Variants in OTUB2 observed in about 807,000 individuals in gnomAD.
The protein encoded by OTUB2 is OTU deubiquitinase, ubiquitin aldehyde binding 2.
In OTUB2, 21 loss-of-function variants were observed where a neutral mutation model predicts 25.1. The observed-to-expected ratio is 0.84, with a 90% CI of 0.59 to 1.21. The LOEUF (loss-of-function observed/expected upper bound fraction) is 1.21, where lower values mean the gene tolerates loss of function less well. Ranked by LOEUF, OTUB2 falls within the 50% of genes most tolerant of loss-of-function variation. The pLI is 0.00. For synonymous variants in OTUB2, 122 were observed against 122.8 expected, an observed-to-expected ratio of 0.99 and a Z score of 0.04; for missense variants, 283 against 298.0, an observed-to-expected ratio of 0.95 and a Z score of 0.37.
intron 3 of OTUB2, among the ~76,000 whole-genome samples, chr14:94,042,942 C>T (rs1184012542): frequency 1.3e-5 from 2 of 152,196 alleles, no homozygotes; most frequent in Admixed American, 1.3e-4. Flanking sequence ...AGCACAGGCT[C>T]CATCCCTCCA....
At chr14:94,028,197 A>G (rs1884899099) in intron 1 of OTUB2, among the ~76,000 whole-genome samples, 1 of 152,208 alleles carries the variant, frequency 6.6e-6, no homozygotes, top group South Asian at 2.1e-4. Flanking sequence ...CCACTAAAAT[A>G]TGACGTCTGT....
chr14:94,041,368 A>G (rs1885158235), intron 3 of OTUB2, among the ~76,000 whole-genome samples: 1 of 152,030 alleles, frequency 6.6e-6, no homozygotes, highest in Non-Finnish European at 1.5e-5. Context: ...GCTGGCGTTC[A>G]GCAGGCAGGC....
At chr14:94,037,558 C>A in intron 2 of OTUB2, 83 bp downstream of exon 2, 5 of 900,780 alleles carry the variant, frequency 5.6e-6, no homozygotes, top group East Asian at 3.0e-5. Context: ...CTTTGAAGGC[C>A]GATAGTTTGG....
chr14:94,037,286 G>T (rs1885072950), intron 1 of OTUB2, 94 bp from the exon 2 acceptor site: 2 of 775,888 alleles, frequency 2.6e-6, no homozygotes, highest in East Asian at 2.7e-5. Flanking sequence ...ATTCATTGTT[G>T]TCTGTAACCG....
rs113124764 is a variant in OTUB2 at position 94,042,141 on chromosome 14, G to C, written c.219-1830G>C. On this transcript the variant is annotated intron_variant, in intron 3 of 5. Coordinates refer to ENST00000203664, the MANE Select transcript of OTUB2 (RefSeq NM_023112.4). ...TGCTCTAGAAGTATGCGAAGTACTT[G>C]TGTGTGCCAGAGGCTTGGAGAACAC... 7.8e-3 allele frequency among the ~76,000 whole-genome samples: 1,186 copies of C among 152,346 alleles called. 12 individuals are homozygous for C. Among genetic ancestry groups the C allele is most frequent in the African/African-American group, 0.027 (1,130 of 41,568 alleles).
intron 1 of OTUB2, among the ~76,000 whole-genome samples, chr14:94,032,549 G>GAA (rs60116716): frequency 1.5e-4 from 23 of 151,716 alleles, no homozygotes; most frequent in African/African-American, 5.3e-4. Context: ...GTACACGGAA[G>GAA]AAAAAAAATG....
chr14:94,037,390 C>T lies in OTUB2; in HGVS notation c.14C>T (p.Ser5Phe), dbSNP rs773789398. 6.3e-7 allele frequency: 1 copy of T among 1,587,926 alleles called. No homozygotes were observed. The highest frequency in any genetic ancestry group is 1.1e-5 in the South Asian group (1 of 90,222). The change falls in exon 2 of 6, where the codon TCT becomes TTT. Residue 5 changes from serine (S) to phenylalanine (F), a missense_variant. Transcript: ENST00000203664. Reference protein sequence around the residue: MSETSFNLISEKCDI... With the variant: MSETFFNLISEKCDI... Reference sequence around the variant, plus strand: ...TTCCCTATCTTTCAGAGTGAAACATCTTTCAACCTAATATCAGAAAAATGT... The same window carrying T: ...TTCCCTATCTTTCAGAGTGAAACATTTTTCAACCTAATATCAGAAAAATGT...
chr14:94,026,442 C>G lies in OTUB2; in HGVS notation c.-96C>G, dbSNP rs1016863591. 12 of 1,309,424 alleles carry G rather than the reference C, an allele frequency of 9.2e-6. No homozygotes were observed. Among genetic ancestry groups the G allele is most frequent in the Non-Finnish European group, 1.2e-5 (12 of 1,028,510 alleles). The allele number at this position is 1,309,424 out of a possible 1,614,324, so 81.1% of individuals were successfully genotyped here. A position where few individuals can be genotyped will look rare whatever the true frequency, so the allele number is the denominator to read the frequency against. Reference sequence around the variant, plus strand: ...CCCACGCCCTCGAGGTCCCCGCCACCGAACCAGCGGCGGAGCCCGCCCGCG... The same window carrying G: ...CCCACGCCCTCGAGGTCCCCGCCACGGAACCAGCGGCGGAGCCCGCCCGCG... On this transcript the variant is annotated 5_prime_UTR_variant, in exon 1 of 6. Coordinates refer to ENST00000203664, the MANE Select transcript of OTUB2 (RefSeq NM_023112.4).
chr14:94,034,568 G>C (rs747012968), intron 1 of OTUB2, among the ~76,000 whole-genome samples: 2 of 152,208 alleles, frequency 1.3e-5, no homozygotes, highest in South Asian at 4.1e-4. Flanking sequence ...CCCATCTCAG[G>C]AGGTGGTCTT....
At chr14:94,037,312 C>T in intron 1 of OTUB2, 68 bp from the exon 2 acceptor site, 1 of 1,160,996 alleles carries the variant, frequency 8.6e-7, no homozygotes, top group Non-Finnish European at 1.3e-6. Context: ...TCAGAGGCCA[C>T]CAGCTCGGGG....
chr14:94,038,877 T>C, intron 2 of OTUB2, 86 bp from the exon 3 acceptor site: 1 of 1,161,242 alleles, frequency 8.6e-7, no homozygotes, highest in Non-Finnish European at 1.3e-6. Context: ...CTGGGAGAGA[T>C]GGGGGGCACC....
At chr14:94,037,505 C>G in intron 2 of OTUB2, 30 bp downstream of exon 2, 2 of 1,493,360 alleles carry the variant, frequency 1.3e-6, no homozygotes, top group Non-Finnish European at 9.3e-7. Context: ...GAAGAGCATC[C>G]GAAACTAAAC....
chr14:94,028,046 T>C (rs1884895867), intron 1 of OTUB2, among the ~76,000 whole-genome samples: 1 of 152,214 alleles, frequency 6.6e-6, no homozygotes, highest in South Asian at 2.1e-4. Context: ...TAGCTGCTCT[T>C]TGTGCCATGC....
In OTUB2 at chr14:94,045,796, G is replaced by T; in HGVS notation, c.579G>T (p.Val193=). The T allele has an allele frequency of 1.2e-6, 2 of 1,614,226 alleles. No individual in the cohort carries two copies. Among genetic ancestry groups the T allele is most frequent in the Non-Finnish European group, 1.7e-6 (2 of 1,180,044 alleles). ...LSQALSIALQ[V]EYVDEMDTAL... ...AGGCCCTGAGCATTGCCCTGCAAGT[G>T]GAGTACGTGGACGAGATGGATACCG... The change falls in exon 6 of 6, where the codon GTG becomes GTT. Residue 193 remains valine, a synonymous_variant. Transcript: ENST00000203664.
rs76277259 is a variant in OTUB2, at chr14:94,046,124, G to A, written c.*202G>A. Reference sequence around the variant, plus strand: ...TTTTTAGTATTTATTTTAATGGAGGGACAAATGCTTTCTAACTGGGCCCCC... The same window carrying A: ...TTTTTAGTATTTATTTTAATGGAGGAACAAATGCTTTCTAACTGGGCCCCC... On this transcript the variant is annotated 3_prime_UTR_variant, in exon 6 of 6. Coordinates refer to ENST00000203664, the MANE Select transcript of OTUB2 (RefSeq NM_023112.4). 4,438 of 656,434 alleles carry A rather than the reference G, an allele frequency of 6.8e-3. 193 individuals are homozygous for A. The East Asian group carries it at 0.092, about 14-fold the overall frequency. The allele number at this position is 656,434 out of a possible 1,614,324, so 40.7% of individuals were successfully genotyped here.
intron 1 of OTUB2, 91 bp from the exon 2 acceptor site, chr14:94,037,289 T>C (rs1182355912): frequency 2.5e-6 from 2 of 808,200 alleles, no homozygotes; most frequent in Non-Finnish European, 4.1e-6. Flanking sequence ...CATTGTTGTC[T>C]GTAACCGGCA....
Position 94,044,672 on chromosome 14 carries a change from C to T in OTUB2, c.390C>T (p.His130=), listed in dbSNP as rs949342494. ...TCAACGACCAGAGTGCCTCGGACCA[C>T]ATCGTGCAGTTCCTGCGCCTGCTCA... ...KVFNDQSASD[H]IVQFLRLLTS... is the part of the protein sequence containing the mutation. The change falls in exon 5 of 6, where the codon CAC becomes CAT. Residue 130 remains histidine (H), a synonymous_variant. Transcript: ENST00000203664. 2.5e-6 allele frequency: 4 copies of T among 1,614,236 alleles called. No homozygotes were observed. The highest frequency in any genetic ancestry group is 3.4e-6 in the Non-Finnish European group (4 of 1,180,044).
intron 1 of OTUB2, among the ~76,000 whole-genome samples, chr14:94,031,771 G>A (rs1884967456): frequency 6.6e-6 from 1 of 152,200 alleles, no homozygotes; most frequent in Admixed American, 6.5e-5. Flanking sequence ...CTCCACGCAA[G>A]CTGCTAAATC....
chr14:94,042,682 T>C (rs1885186748), intron 3 of OTUB2, among the ~76,000 whole-genome samples: 1 of 152,128 alleles, frequency 6.6e-6, no homozygotes, highest in South Asian at 2.1e-4. Flanking sequence ...GGGGTGCTGA[T>C]GAGGGTGGCT....
Sources: allele counts gnomAD v4.1 joint callset (sites outside exome capture counted in the v4.1 genomes callset), GRCh38; gene constraint gnomAD v4.1.1; transcripts MANE v1.5; gene names NCBI Gene and HGNC (gene_info 2026-07-23, HGNC 2026-07-21).